The following CELF2 variants were observed in gnomAD, a reference collection of about 807,000 sequenced individuals.
CELF2 encodes the protein CUGBP Elav-like family member 2.
In CELF2, 8 loss-of-function variants were observed where a neutral mutation model predicts 62.6. The observed-to-expected ratio is 0.13, with a 90% CI of 0.07 to 0.23. The LOEUF is 0.23. CELF2 is among the 10% of genes least tolerant of loss of function. The pLI, the probability that CELF2 is intolerant of heterozygous loss-of-function variation, is 1.00. For missense variants in CELF2, 333 were observed against 671.0 expected, an observed-to-expected ratio of 0.50 and a Z score of 5.56; for synonymous variants, 258 against 250.0, an observed-to-expected ratio of 1.03 and a Z score of -0.30.
At chr10:10,686,780 A>G in the CELF2 span, among the ~76,000 whole-genome samples, 107 of 152,274 alleles carry the variant, frequency 7.0e-4, no homozygotes, top group Middle Eastern at 6.8e-3. Context: ...TAAATTACCC[A>G]GTCTCAGATG....
At chr10:11,288,579 G>T in intron 9 of CELF2, 27 bp downstream of exon 9, 1 of 1,611,408 alleles carries the variant, frequency 6.2e-7, no homozygotes, top group Non-Finnish European at 8.5e-7. Context: ...CTCTTCCCTT[G>T]CAGGTGATGC....
the CELF2 span, among the ~76,000 whole-genome samples, chr10:10,521,501 C>G: frequency 6.6e-6 from 1 of 152,182 alleles, no homozygotes; most frequent in Non-Finnish European, 1.5e-5. Context: ...CATCCCTCCT[C>G]CATGTCATGC....
At chr10:10,647,094 C>A in the CELF2 span, among the ~76,000 whole-genome samples, 1 of 152,180 alleles carries the variant, frequency 6.6e-6, no homozygotes, top group South Asian at 2.1e-4. Context: ...GATTTCTGAG[C>A]ATGATAAGCA....
intron 1 of CELF2, among the ~76,000 whole-genome samples, chr10:10,809,519 T>C (rs1397295974): frequency 6.6e-6 from 1 of 152,198 alleles, no homozygotes; most frequent in Non-Finnish European, 1.5e-5. Context: ...GGACAAAATT[T>C]CTCTTTTCCT....
chr10:10,573,427 A>G, the CELF2 span, among the ~76,000 whole-genome samples: 13 of 152,028 alleles, frequency 8.6e-5, no homozygotes, highest in African/African-American at 2.4e-4. Flanking sequence ...TTGCCTTTAT[A>G]GAAGAGTTTT....
intron 1 of CELF2, among the ~76,000 whole-genome samples, chr10:10,872,424 A>G (rs368783947): frequency 6.6e-6 from 1 of 152,248 alleles, no homozygotes; most frequent in African/African-American, 2.4e-5. Context: ...TGTTCTACTG[A>G]GTGCTTTATG....
intron 2 of CELF2, among the ~76,000 whole-genome samples, chr10:11,216,717 A>G (rs549514100): frequency 9.2e-5 from 14 of 152,348 alleles, no homozygotes; most frequent in Non-Finnish European, 1.3e-4. Flanking sequence ...GGGGACTCCC[A>G]CAGGCTCTTT....
At chr10:11,292,128 T>C (rs1016481868) in intron 9 of CELF2, among the ~76,000 whole-genome samples, 4 of 152,200 alleles carry the variant, frequency 2.6e-5, no homozygotes, top group Non-Finnish European at 5.9e-5. Context: ...CCATTGACCC[T>C]TCAAAGAGTT....
At chr10:11,291,528 A>G (rs2092527302) in intron 9 of CELF2, among the ~76,000 whole-genome samples, 1 of 152,246 alleles carries the variant, frequency 6.6e-6, no homozygotes. Flanking sequence ...GTAGTGAATA[A>G]AATTAGAAAT....
At chr10:11,072,452 G>A (rs1409113546) in intron 1 of CELF2, among the ~76,000 whole-genome samples, 2 of 152,224 alleles carry the variant, frequency 1.3e-5, no homozygotes, top group African/African-American at 4.8e-5. Context: ...TGACCATAGT[G>A]GAACCTCTAC....
the CELF2 span, among the ~76,000 whole-genome samples, chr10:10,645,201 C>T: frequency 6.6e-6 from 1 of 152,084 alleles, no homozygotes; most frequent in East Asian, 1.9e-4. Flanking sequence ...TCTGTGGAAT[C>T]CCCCCTTGTT....
chr10:10,874,387 A>G (rs1032147642), intron 1 of CELF2, among the ~76,000 whole-genome samples: 2 of 152,074 alleles, frequency 1.3e-5, no homozygotes, highest in African/African-American at 4.8e-5. Flanking sequence ...AATAAAAAAG[A>G]AAGAACGCAC....
upstream of CELF2, among the ~76,000 whole-genome samples, chr10:11,015,416 G>C (rs1342506658): frequency 6.6e-6 from 1 of 152,162 alleles, no homozygotes; most frequent in Non-Finnish European, 1.5e-5. The surrounding 1 kb of genome is among the most constrained non-coding windows in gnomAD (Gnocchi z 4.8). Context: ...AACCTATGGT[G>C]GGGGGTGATG....
At chr10:10,798,715 C>A (rs1187947212) in exon 1 of CELF2, 2 of 398,604 alleles carry the variant, frequency 5.0e-6, no homozygotes, top group Non-Finnish European at 8.8e-6. Context: ...CCCCAGCACC[C>A]CATCCCCGCC....
At chr10:10,492,797 G>A in the CELF2 span, among the ~76,000 whole-genome samples, 1 of 152,200 alleles carries the variant, frequency 6.6e-6, no homozygotes, top group South Asian at 2.1e-4. Context: ...CATGTTGTGG[G>A]AAGGACCTGG....
intron 1 of CELF2, among the ~76,000 whole-genome samples, chr10:11,138,384 T>C (rs981201090): frequency 3.3e-5 from 5 of 152,240 alleles, no homozygotes; most frequent in Non-Finnish European, 5.9e-5. Context: ...AGCTCTCAAC[T>C]GTCCCAGCCT....
chr10:11,241,659 A>G (rs2073941165), intron 3 of CELF2, among the ~76,000 whole-genome samples: 3 of 152,098 alleles, frequency 2.0e-5, no homozygotes, highest in African/African-American at 4.8e-5. Flanking sequence ...GATGTTCCTA[A>G]GTCACCATCC....
rs939441508 is a variant in CELF2 at position 10,835,083 on chromosome 10, G to A, written c.53+36266G>A. Among the ~76,000 whole-genome samples the A allele has an allele frequency of 1.5e-4, 23 of 152,084 alleles. 1 individual carries two copies. Among genetic ancestry groups the A allele is most frequent in the Non-Finnish European group, 8.8e-5 (6 of 68,018 alleles). The stretch of plus-strand genomic sequence containing the variant: ...ATTAGGGACATGGTGCCTGACTGGA[G>A]CATTAGCCTCCTCACTAAGCTTTGC... On this transcript the variant is annotated intron_variant, in intron 1 of 13. Transcript: ENST00000636488.
At chr10:10,929,942 C>A (rs1299794742) in intron 2 of CELF2, among the ~76,000 whole-genome samples, 1 of 152,144 alleles carries the variant, frequency 6.6e-6, no homozygotes, top group East Asian at 1.9e-4. Context: ...CTTGACCTTG[C>A]TATAATACAC....
Sources: gnomAD v4.1 joint callset for allele counts (sites outside exome capture counted in the v4.1 genomes callset) on GRCh38, gnomAD v4.1.1 for gene constraint, Gnocchi (gnomAD v3.1) non-coding constraint, MANE v1.5 for transcripts, NCBI Gene and HGNC (gene_info 2026-07-23, HGNC 2026-07-21) for gene names.